The following FYN variants were observed in gnomAD, a reference collection of about 807,000 sequenced individuals.
FYN encodes the protein FYN proto-oncogene, Src family tyrosine kinase.
In FYN, 10 loss-of-function variants were observed where a neutral mutation model predicts 70.2. The observed-to-expected ratio is 0.14, with a 90% CI of 0.09 to 0.24. The LOEUF (loss-of-function observed/expected upper bound fraction) is 0.24. Among genes scored for constraint, FYN ranks in the 10% least tolerant of loss-of-function variants. FYN has a pLI of 1.00. For synonymous variants in FYN, 236 were observed against 248.6 expected (o/e 0.95, Z 0.48); for missense variants, 319 against 673.1 (o/e 0.47, Z 5.82).
At chr6:111,773,853 G>A (rs1476557518) in intron 3 of FYN, among the ~76,000 whole-genome samples, 1 of 152,110 alleles carries the variant, frequency 6.6e-6, no homozygotes, top group East Asian at 1.9e-4. Context: ...TCATCAAACT[G>A]ATGTAGCCAC....
chr6:111,815,331 C>T (rs1772452257), intron 2 of FYN, among the ~76,000 whole-genome samples: 1 of 152,140 alleles, frequency 6.6e-6, no homozygotes. Flanking sequence ...TTTCTGATTG[C>T]ATAACAAGCA....
At chr6:111,679,974 C>A (rs1165647707) in intron 12 of FYN, among the ~76,000 whole-genome samples, 3 of 152,034 alleles carry the variant, frequency 2.0e-5, no homozygotes, top group African/African-American at 7.2e-5. Flanking sequence ...AGTGGAAAAT[C>A]CTTAATAGAC....
intron 2 of FYN, chr6:111,819,893 G>A (rs946771578): frequency 6.6e-6 from 1 of 152,168 alleles, no homozygotes; most frequent in East Asian, 1.9e-4. Context: ...CTGGCGATAA[G>A]ACAGTTATTA....
At chr6:111,802,962 C>A (rs953385292) in intron 2 of FYN, among the ~76,000 whole-genome samples, 1 of 152,140 alleles carries the variant, frequency 6.6e-6, no homozygotes, top group East Asian at 1.9e-4. Context: ...GCTAGGAAAT[C>A]GTATAATCTG....
At chr6:111,815,778 G>A (rs1340688765) in intron 2 of FYN, among the ~76,000 whole-genome samples, 1 of 151,118 alleles carries the variant, frequency 6.6e-6, no homozygotes, top group Admixed American at 6.6e-5. Flanking sequence ...GACTGCAGTG[G>A]TGTGATCATC....
chr6:111,690,333 GCAGTGAGACC>G (rs1799262643), intron 12 of FYN, among the ~76,000 whole-genome samples: 1 of 152,164 alleles, frequency 6.6e-6, no homozygotes, highest in Admixed American at 6.5e-5. Flanking sequence ...CCCAGCTGTG[GCAGTGAGACC>G]CAGTGAGGGC....
At chr6:111,782,180 A>G (rs1421807257) in intron 2 of FYN, among the ~76,000 whole-genome samples, 1 of 152,202 alleles carries the variant, frequency 6.6e-6, no homozygotes, top group African/African-American at 2.4e-5. Flanking sequence ...TCTCTTTTTA[A>G]AAGTACTTTA....
At chr6:111,729,388 C>T (rs1801342283) in intron 3 of FYN, among the ~76,000 whole-genome samples, 1 of 151,252 alleles carries the variant, frequency 6.6e-6, no homozygotes, top group Non-Finnish European at 1.5e-5. Flanking sequence ...GCATGAGAAT[C>T]GCTTGAACCA....
intron 3 of FYN, among the ~76,000 whole-genome samples, chr6:111,765,620 C>T (rs911129055): frequency 1.3e-5 from 2 of 152,134 alleles, no homozygotes; most frequent in Admixed American, 6.5e-5. Context: ...TGAATATGTT[C>T]TAAGACTTAT....
At chr6:111,842,085 G>T (rs189955005) in intron 2 of FYN, among the ~76,000 whole-genome samples, 1 of 151,964 alleles carries the variant, frequency 6.6e-6, no homozygotes, top group African/African-American at 2.4e-5. Context: ...GTCCCCAGTC[G>T]CCAGAAAAGT....
At chr6:111,840,856 A>G (rs897941001) in intron 2 of FYN, among the ~76,000 whole-genome samples, 2 of 152,372 alleles carry the variant, frequency 1.3e-5, no homozygotes, top group Admixed American at 6.5e-5. Flanking sequence ...TATGCAAGGC[A>G]GACAACCAAA....
intron 4 of FYN, among the ~76,000 whole-genome samples, chr6:111,715,546 C>G (rs1235747527): frequency 6.6e-6 from 1 of 152,156 alleles, no homozygotes; most frequent in Non-Finnish European, 1.5e-5. Context: ...TGACTTCCGT[C>G]TTTCTAGCAG....
chr6:111,676,704 T>A (rs1562464853), intron 12 of FYN, among the ~76,000 whole-genome samples: 1 of 152,226 alleles, frequency 6.6e-6, no homozygotes, highest in South Asian at 2.1e-4. Context: ...GGCTTGGAAA[T>A]CTCTGACCAT....
At chr6:111,665,255 G>T (rs187364192) in intron 13 of FYN, among the ~76,000 whole-genome samples, 26 of 152,240 alleles carry the variant, frequency 1.7e-4, no homozygotes, top group Non-Finnish European at 2.2e-4. Context: ...GGTGCATTTT[G>T]AATTTCATAT....
intron 7 of FYN, among the ~76,000 whole-genome samples, chr6:111,703,280 C>T (rs1230914746): frequency 6.6e-6 from 1 of 152,136 alleles, no homozygotes; most frequent in Non-Finnish European, 1.5e-5. Flanking sequence ...TTCTTAAACA[C>T]ACTGTTCGGT....
At chr6:111,687,610 GT>G (rs1253469567) in intron 12 of FYN, among the ~76,000 whole-genome samples, 155 of 144,168 alleles carry the variant, frequency 1.1e-3, no homozygotes, top group African/African-American at 3.3e-3. Flanking sequence ...GGGTGGGTGT[GT>G]GTGTGTGTGT....
At chr6:111,843,807 TCACTG>T (rs1344171150) in intron 2 of FYN, among the ~76,000 whole-genome samples, 1 of 152,024 alleles carries the variant, frequency 6.6e-6, no homozygotes, top group Non-Finnish European at 1.5e-5. Context: ...TGTCAGACAG[TCACTG>T]CACAGATAAC....
chr6:111,687,673 T>G (rs1276229535), intron 12 of FYN, among the ~76,000 whole-genome samples: 1 of 151,820 alleles, frequency 6.6e-6, no homozygotes, highest in Non-Finnish European at 1.5e-5. Context: ...ACACAGCTAT[T>G]GGCATCCATT....
chr6:111,769,884 T>G (rs936885503), intron 3 of FYN, among the ~76,000 whole-genome samples: 1 of 152,186 alleles, frequency 6.6e-6, no homozygotes, highest in Admixed American at 6.5e-5. Context: ...CTGCCAGGGC[T>G]GGTAGAAAAC....
Sources: gnomAD v4.1 joint callset for allele counts (sites outside exome capture counted in the v4.1 genomes callset) on GRCh38, gnomAD v4.1.1 for gene constraint, MANE v1.5 for transcripts, NCBI Gene and HGNC (gene_info 2026-07-23, HGNC 2026-07-21) for gene names.